The following GEN1 variants were observed in gnomAD, a reference collection of about 807,000 sequenced individuals.
GEN1 encodes flap endonuclease GEN homolog 1.
GEN1 carries 64 observed loss-of-function variants against 67.6 expected under a neutral mutation model. The observed-to-expected ratio is 0.95, with a 90% CI of 0.77 to 1.17. The LOEUF (loss-of-function observed/expected upper bound fraction) is 1.17. Among genes scored for constraint, GEN1 ranks in the 50% most tolerant of loss-of-function variants. The pLI is 0.00. For missense variants in GEN1, 1,058 were observed against 1,048.3 expected (o/e 1.01, Z -0.13); for synonymous variants, 371 against 359.4 (o/e 1.03, Z -0.37).
intron 2 of GEN1, among the ~76,000 whole-genome samples, chr2:17,760,446 T>C (rs180987595): frequency 1.6e-4 from 25 of 152,332 alleles, no homozygotes; most frequent in African/African-American, 6.0e-4. Flanking sequence ...CTCCAAAATA[T>C]ACTTTGTGTT....
At chr2:17,771,899 C>A (rs1672208421) in intron 7 of GEN1, among the ~76,000 whole-genome samples, 1 of 151,420 alleles carries the variant, frequency 6.6e-6, no homozygotes, top group East Asian at 1.9e-4. Flanking sequence ...TCTGCTATAT[C>A]TAGTTGTCTT....
intron 1 of GEN1, among the ~76,000 whole-genome samples, chr2:17,758,445 C>A (rs1206770421): frequency 1.3e-5 from 2 of 152,190 alleles, no homozygotes; most frequent in Non-Finnish European, 2.9e-5. Context: ...CATTTCTCTT[C>A]ATAATAATGA....
At chr2:17,761,628 G>A (rs1186849886) in intron 3 of GEN1, 46 bp downstream of exon 3, 1 of 1,348,456 alleles carries the variant, frequency 7.4e-7, no homozygotes, top group Non-Finnish European at 1.0e-6. Context: ...GAATTAAAGG[G>A]TGCATTTTAC....
intron 8 of GEN1, 47 bp from the exon 9 acceptor site, chr2:17,773,049 A>G: frequency 8.0e-7 from 1 of 1,252,832 alleles, no homozygotes; most frequent in Non-Finnish European, 1.2e-6. Flanking sequence ...TTCAGAGTCT[A>G]AAATTGTCTG....
At chr2:17,771,139 T>C (rs181161818) in intron 6 of GEN1, 57 bp from the exon 7 acceptor site, 3 of 959,464 alleles carry the variant, frequency 3.1e-6, no homozygotes, top group East Asian at 4.8e-5. Flanking sequence ...TTTGAGAACA[T>C]ACCGTTTTTG....
At chr2:17,778,097 A>C (rs1196740809) in intron 12 of GEN1, 34 bp downstream of exon 12, 1 of 1,186,418 alleles carries the variant, frequency 8.4e-7, no homozygotes. Context: ...TATTCCATTT[A>C]TAATATTTGA....
At chr2:17,755,342 A>G (rs760391050) in intron 1 of GEN1, 4 of 152,098 alleles carry the variant, frequency 2.6e-5, no homozygotes, top group Non-Finnish European at 4.4e-5. Flanking sequence ...AGCCCTTTTT[A>G]TCTGCAGTCT....
intron 12 of GEN1, among the ~76,000 whole-genome samples, chr2:17,779,553 C>G (rs533165340): frequency 4.5e-4 from 68 of 151,522 alleles, no homozygotes; most frequent in Admixed American, 2.6e-3. Flanking sequence ...ATGAATAGTT[C>G]ATTTGTGAAT....
Position 17,761,477 on chromosome 2 carries a change from G to A in GEN1, c.243G>A (p.Leu81=). The stretch of plus-strand genomic sequence containing the variant: ...TTATGGAAGGGGAACCACCAAAGCT[G>A]AAAGCTGATGTCATAAGCAAGAGGA... ...VFVMEGEPPK[L]KADVISKRNQ... Residue 81 remains leucine (L), a synonymous_variant, in exon 3 of 14, where the codon CTG becomes CTA. Transcript: ENST00000381254. The A allele has an allele frequency of 6.2e-7, 1 of 1,613,198 alleles. No individual in the cohort carries two copies. The highest frequency in any genetic ancestry group is 8.5e-7 in the Non-Finnish European group (1 of 1,179,184).
chr2:17,768,777 A>G lies in GEN1; in HGVS notation c.676A>G (p.Ile226Val), dbSNP rs1558401647. The change falls in exon 6 of 14, where the codon ATA becomes GTA. Residue 226 changes from isoleucine (I) to valine (V), a missense_variant. Ile to Val is a conservative substitution (Grantham distance 29). Transcript: ENST00000381254. ...GVGKEQALKL[I>V]QILKGQSLLQ... is the part of the protein sequence containing the mutation. ...TGGAAAAGAGCAAGCATTAAAACTTATACAGATTTTGAAAGGGCAAAGTTT... is the reference window on the plus strand; with the variant it reads ...TGGAAAAGAGCAAGCATTAAAACTTGTACAGATTTTGAAAGGGCAAAGTTT... 2 of 1,611,688 alleles carry G rather than the reference A, an allele frequency of 1.2e-6. No homozygotes were observed. Among genetic ancestry groups the G allele is most frequent in the South Asian group, 1.1e-5 (1 of 90,772 alleles).
At chr2:17,778,369 TAC>T (rs1298785977) in intron 12 of GEN1, among the ~76,000 whole-genome samples, 603 of 41,370 alleles carry the variant, frequency 0.015, 81 homozygotes, top group African/African-American at 0.022. Flanking sequence ...TATATGTATA[TAC>T]ACACACATAT....
chr2:17,781,046 T>A lies in GEN1; in HGVS notation c.1834T>A (p.Ser612Thr). 1 of 1,613,938 alleles carries A rather than the reference T, an allele frequency of 6.2e-7. No individual in the cohort carries two copies. ...QRNTFSHDLKSEVESELSAIP... is the reference protein window; with the variant it reads ...QRNTFSHDLKTEVESELSAIP... ...GAATACTTTTTCTCATGATTTAAAA[T>A]CAGAAGTTGAATCAGAGCTATCAGC... is the stretch of plus-strand genomic sequence containing the variant. The change falls in exon 14 of 14, where the codon TCA (serine) becomes ACA (threonine). Residue 612 changes from serine to threonine, a missense_variant. By Grantham distance (58) the Ser-to-Thr change is moderately conservative. Transcript: ENST00000381254.
chr2:17,788,213 G>A lies in GEN1; in HGVS notation c.*6274G>A, dbSNP rs1239361142. ...AGCCTCCTTTCATCTATATATTAAC[G>A]TGGCAATGTTTATCACCTTCTTAAC... On this transcript the variant is annotated 3_prime_UTR_variant, in exon 14 of 14. Transcript: ENST00000381254. 2.0e-5 allele frequency: 3 copies of A among 152,144 alleles called. No homozygotes were observed. The highest frequency in any genetic ancestry group is 6.5e-5 in the Admixed American group (1 of 15,278). The allele number at this position is 152,144 out of a possible 1,614,324, so 9.4% of individuals were successfully genotyped here.
rs371337780 is a variant in GEN1 at position 17,765,113 on chromosome 2, A to G, written c.525+40A>G. On this transcript the variant is annotated intron_variant, in intron 4 of 13. Coordinates refer to ENST00000381254, the MANE Select transcript of GEN1 (RefSeq NM_001130009.3). ...TCTCTTTTTCAGCATTTGTTTACGA[A>G]CTACCTTTTTTAAAGGGCTGATTAA... 5 of 1,589,778 alleles carry G rather than the reference A, an allele frequency of 3.1e-6. No individual in the cohort carries two copies. In the African/African-American group the frequency reaches 6.7e-5, roughly 21 times the overall value.
In GEN1 at chr2:17,757,387, A is replaced by T. The variant is rs1029581865; in HGVS notation, c.-15-2542A>T. 5.4e-4 allele frequency among the ~76,000 whole-genome samples: 78 copies of T among 144,916 alleles called. 1 individual carries two copies. The highest frequency in any genetic ancestry group is 2.6e-4 in the Non-Finnish European group (17 of 65,464). ...CAAGAGTCTACCTTATTGCTGTTTT[A>T]TTTTTTTTTTTACCATAACCCTCAG... On this transcript the variant is annotated intron_variant, in intron 1 of 13. Coordinates refer to ENST00000381254, the MANE Select transcript of GEN1 (RefSeq NM_001130009.3).
chr2:17,781,152 T>C lies in GEN1; in HGVS notation c.1940T>C (p.Leu647Ser). The C allele has an allele frequency of 6.2e-7, 1 of 1,613,970 alleles. No individual in the cohort carries two copies. Among genetic ancestry groups the C allele is most frequent in the East Asian group, 2.2e-5 (1 of 44,864 alleles). ...ERYTANIKKV[L>S]DEDSDGISPE... is the part of the protein sequence containing the mutation. ...TACACTGCAAACATAAAGAAAGTGT[T>C]GGATGAGGATTCTGATGGGATTAGT... Residue 647 changes from leucine to serine, a missense_variant, in exon 14 of 14, where the codon TTG (leucine) becomes TCG (serine). Leu to Ser is a moderately radical substitution (Grantham distance 145). Coordinates refer to ENST00000381254, the MANE Select transcript of GEN1 (RefSeq NM_001130009.3).
intron 4 of GEN1, among the ~76,000 whole-genome samples, chr2:17,765,809 CCTA>C (rs1452242540): frequency 2.0e-5 from 3 of 152,016 alleles, no homozygotes; most frequent in Admixed American, 6.6e-5. Flanking sequence ...TTTATATAAT[CCTA>C]CTTTTACTTA....
intron 12 of GEN1, among the ~76,000 whole-genome samples, chr2:17,779,378 A>C (rs576194447): frequency 6.6e-6 from 1 of 152,278 alleles, no homozygotes; most frequent in East Asian, 1.9e-4. Context: ...TACCTAAACA[A>C]AGTTTTCTGT....
chr2:17,757,487 A>G (rs1281238630), intron 1 of GEN1, among the ~76,000 whole-genome samples: 3 of 152,108 alleles, frequency 2.0e-5, no homozygotes, highest in Non-Finnish European at 4.4e-5. Flanking sequence ...TCACTGCACT[A>G]GGTGGCAATC....
Sources: gnomAD v4.1 joint callset for allele counts (sites outside exome capture counted in the v4.1 genomes callset) on GRCh38, gnomAD v4.1.1 for gene constraint, MANE v1.5 for transcripts, NCBI Gene and HGNC (gene_info 2026-07-23, HGNC 2026-07-21) for gene names.